The following KLF13 variants were observed in gnomAD, a reference collection of about 807,000 sequenced individuals.
KLF13 encodes the protein Krueppel-like factor 13.
A neutral mutation model predicts 16.7 loss-of-function variants in KLF13; 8 were observed. The ratio of observed to expected loss-of-function variants is 0.48; its 90% CI spans 0.28 to 0.87. The LOEUF (loss-of-function observed/expected upper bound fraction) is 0.87. Ranked by LOEUF, KLF13 falls within the 40% of genes least tolerant of loss-of-function variation. The pLI is 0.10. For missense variants in KLF13, 447 were observed against 452.2 expected, an observed-to-expected ratio of 0.99 and a Z score of 0.10; for synonymous variants, 245 against 208.4, an observed-to-expected ratio of 1.18 and a Z score of -1.51.
chr15:31,383,077 AG>A (rs2039747589), intron 1 of KLF13, among the ~76,000 whole-genome samples: 1 of 152,276 alleles, frequency 6.6e-6, no homozygotes, highest in Non-Finnish European at 1.5e-5. Flanking sequence ...CATAATCAGC[AG>A]ACTTCCTCTG....
intron 1 of KLF13, among the ~76,000 whole-genome samples, chr15:31,345,074 TC>T (rs1293653922): frequency 5.9e-5 from 9 of 152,154 alleles, no homozygotes; most frequent in Admixed American, 5.2e-4. Flanking sequence ...CACCCTGGCC[TC>T]CCCGCCTTTG....
rs367999699 is a variant in KLF13, at chr15:31,372,179, C to T, written c.747C>T (p.His249=). The change falls in exon 2 of 2, where the codon CAC becomes CAT. Residue 249 remains histidine (H), a synonymous_variant. Transcript: ENST00000307145. Reference sequence around the variant, plus strand: ...ACCTGACCAAGCACGCGCGCCGCCACGCCAACTTCCACCCGGGAATGCTGC... The same window carrying T: ...ACCTGACCAAGCACGCGCGCCGCCATGCCAACTTCCACCCGGGAATGCTGC... ...SDHLTKHARR[H]ANFHPGMLQR... is the part of the protein sequence containing the mutation. 23 of 1,611,792 alleles carry T rather than the reference C, an allele frequency of 1.4e-5. No individual in the cohort carries two copies. The highest frequency in any genetic ancestry group is 9.3e-5 in the African/African-American group (7 of 74,906).
intron 1 of KLF13, among the ~76,000 whole-genome samples, chr15:31,360,238 A>G (rs1231129105): frequency 6.6e-6 from 1 of 152,202 alleles, no homozygotes; most frequent in Non-Finnish European, 1.5e-5. Context: ...GGCCAGCAGG[A>G]TACAGGGAGG....
chr15:31,413,490 T>C (rs2040220981), intron 1 of KLF13, among the ~76,000 whole-genome samples: 1 of 152,064 alleles, frequency 6.6e-6, no homozygotes, highest in Non-Finnish European at 1.5e-5. Context: ...ACATATCCCT[T>C]AAAAGAGAAC....
At chr15:31,426,903 C>G (rs796079405) in intron 1 of KLF13, among the ~76,000 whole-genome samples, 165 of 152,284 alleles carry the variant, frequency 1.1e-3, no homozygotes, top group African/African-American at 3.8e-3. Context: ...ATCTCTTTTT[C>G]TCTCCTAGAG....
At chr15:31,429,113 C>T (rs928061148) in intron 1 of KLF13, among the ~76,000 whole-genome samples, 8 of 152,060 alleles carry the variant, frequency 5.3e-5, no homozygotes, top group African/African-American at 1.9e-4. Context: ...AAGGATGGGG[C>T]GCTGTACAGT....
chr15:31,387,955 C>T (rs1341977557), upstream of KLF13, among the ~76,000 whole-genome samples: 1 of 152,234 alleles, frequency 6.6e-6, no homozygotes, highest in Non-Finnish European at 1.5e-5. Context: ...AGCCATCAAA[C>T]AGCATGGAAT....
chr15:31,396,754 G>A (rs992890762), intron 2 of KLF13, among the ~76,000 whole-genome samples: 1 of 152,174 alleles, frequency 6.6e-6, no homozygotes, highest in African/African-American at 2.4e-5. Flanking sequence ...CTCCAGCTGC[G>A]TGACTCCTAA....
downstream of KLF13, among the ~76,000 whole-genome samples, chr15:31,378,456 C>A (rs1157344734): frequency 6.6e-6 from 1 of 152,164 alleles, no homozygotes; most frequent in African/African-American, 2.4e-5. Context: ...GATAGCAGAG[C>A]CCGTTTAAGT....
intron 1 of KLF13, 139 bp downstream of exon 1, chr15:31,327,928 GC>G: frequency 9.8e-7 from 1 of 1,019,216 alleles, no homozygotes; most frequent in Non-Finnish European, 1.2e-6. Flanking sequence ...CCCTTCCCCT[GC>G]CGCTCCGACC....
chr15:31,388,916 G>A (rs527647794), upstream of KLF13, among the ~76,000 whole-genome samples: 16 of 140,656 alleles, frequency 1.1e-4, no homozygotes, highest in African/African-American at 4.0e-4. Flanking sequence ...TGTTTTTGTC[G>A]TTATTCCCTT....
Position 31,327,208 on chromosome 15 carries a change from G to A in KLF13, c.-5G>A. ...AGAGCACCGCCGCCGGCCCCAGCCCGCAGCATGGCAGCCGCCGCCTATGTG... is the reference window on the plus strand; with the variant it reads ...AGAGCACCGCCGCCGGCCCCAGCCCACAGCATGGCAGCCGCCGCCTATGTG... On this transcript the variant is annotated 5_prime_UTR_variant, in exon 1 of 2. Transcript: ENST00000307145. 5 of 1,241,090 alleles carry A rather than the reference G, an allele frequency of 4.0e-6. No homozygotes were observed. The highest frequency in any genetic ancestry group is 5.1e-6 in the Non-Finnish European group (5 of 984,694). The allele number at this position is 1,241,090 out of a possible 1,614,324, so 76.9% of individuals were successfully genotyped here.
chr15:31,333,177 C>T (rs1043188864), intron 1 of KLF13, among the ~76,000 whole-genome samples: 2 of 152,126 alleles, frequency 1.3e-5, no homozygotes, highest in African/African-American at 4.8e-5. Flanking sequence ...TCACAAGGAC[C>T]CTATGAAGTA....
intron 1 of KLF13, chr15:31,420,602 C>T (rs2040310309): frequency 2.3e-6 from 1 of 434,650 alleles, no homozygotes; most frequent in Non-Finnish European, 4.3e-6. Context: ...CTGGAAAAAC[C>T]CTACAGCTTT....
chr15:31,419,996 C>T (rs1384759391), intron 1 of KLF13: 1 of 300,286 alleles, frequency 3.3e-6, no homozygotes, highest in Non-Finnish European at 6.5e-6. Flanking sequence ...GCTGATTTCT[C>T]AGCAGAAACA....
In KLF13 at chr15:31,338,834, A is replaced by C. The variant is rs1369628765; in HGVS notation, c.577+11045A>C. ...GTCTGGCCCCATTCTCACTTCCTCT[A>C]CTCCCCCTTGTACTGTGGGATCTGA... is the stretch of plus-strand genomic sequence containing the variant. On this transcript the variant is annotated intron_variant, in intron 1 of 1. Transcript: ENST00000307145. Among the ~76,000 whole-genome samples the C allele has an allele frequency of 2.0e-5, 3 of 150,236 alleles. No homozygotes were observed. The South Asian group carries it at 6.3e-4, about 32-fold the overall frequency.
intron 1 of KLF13, among the ~76,000 whole-genome samples, chr15:31,387,819 G>GGGCTGTGACCAGCCTGTGATCA (rs1286466809): frequency 3.3e-5 from 5 of 152,222 alleles, no homozygotes; most frequent in Admixed American, 6.5e-5. Context: ...GTCCGTGACA[G>GGGCTGTGACCAGCCTGTGATCA]GGCTGTGACC....
At chr15:31,362,796 C>A (rs1026036291) in intron 1 of KLF13, among the ~76,000 whole-genome samples, 1 of 152,168 alleles carries the variant, frequency 6.6e-6, no homozygotes, top group Admixed American at 6.5e-5. Flanking sequence ...CCAAGGCGCA[C>A]GTAGATCCTT....
intron 1 of KLF13, among the ~76,000 whole-genome samples, chr15:31,351,749 T>C (rs1289662473): frequency 1.3e-5 from 2 of 151,900 alleles, no homozygotes; most frequent in Admixed American, 6.6e-5. Context: ...CGGTGGCTCA[T>C]GCCTATAATC....
Sources: allele counts gnomAD v4.1 joint callset (sites outside exome capture counted in the v4.1 genomes callset), GRCh38; gene constraint gnomAD v4.1.1; transcripts MANE v1.5; gene names NCBI Gene and HGNC (gene_info 2026-07-23, HGNC 2026-07-21).